The following AKAP13 variants were observed in gnomAD, a reference collection of about 807,000 sequenced individuals.
The protein encoded by AKAP13 is A-kinase anchoring protein 13, also known as A-kinase anchor protein 13.
In AKAP13, 80 loss-of-function variants were observed where a neutral mutation model predicts 264.5. The ratio of observed to expected loss-of-function variants is 0.30; its 90% CI spans 0.25 to 0.36. The LOEUF (loss-of-function observed/expected upper bound fraction) is 0.36, where lower values mean the gene tolerates loss of function less well. AKAP13 is among the 10% of genes least tolerant of loss of function. AKAP13 has a pLI of 1.00. For missense variants in AKAP13, 3,712 were observed against 3,435.2 expected (o/e 1.08, Z -2.01); for synonymous variants, 1,380 against 1,250.2 (o/e 1.10, Z -2.19).
intron 1 of AKAP13, among the ~76,000 whole-genome samples, chr15:85,440,296 G>T (rs958504676): frequency 2.0e-4 from 30 of 152,108 alleles, no homozygotes; most frequent in African/African-American, 6.3e-4. Flanking sequence ...CAACTTTATA[G>T]CTCTGTTTCT....
At position 85,531,329 on chromosome 15, in the gene AKAP13, A is replaced by G. The variant is rs16941028; in HGVS notation, c.182-2255A>G. On this transcript the variant is annotated intron_variant, in intron 3 of 36. Transcript: ENST00000394518. ...TTTGACTTCATTGCAGTTATCTGCA[A>G]CTTGATTCTCTGTTATGAACCGTAA... Among the ~76,000 whole-genome samples the G allele has an allele frequency of 1.9e-4, 29 of 152,332 alleles. No homozygotes were observed. The East Asian group carries it at 4.8e-3, about 25-fold the overall frequency.
chr15:85,448,915 A>AT (rs1052570974), intron 1 of AKAP13, among the ~76,000 whole-genome samples: 9 of 149,936 alleles, frequency 6.0e-5, no homozygotes, highest in Non-Finnish European at 1.0e-4. Flanking sequence ...AATTAAAAAA[A>AT]TTTTTTTTTC....
intron 26 of AKAP13, 100 bp from the exon 27 acceptor site, chr15:85,726,310 A>G: frequency 2.3e-6 from 2 of 855,212 alleles, no homozygotes; most frequent in South Asian, 3.2e-5. Context: ...ATAGGGGTGT[A>G]TGTGTTGCTG....
intron 4 of AKAP13, chr15:85,535,545 T>C (rs2077361841): frequency 6.6e-6 from 1 of 152,216 alleles, no homozygotes. Context: ...AACCTGGTGA[T>C]GGGCCTTAAT....
intron 2 of AKAP13, among the ~76,000 whole-genome samples, chr15:85,505,608 CT>C (rs2076195976): frequency 6.6e-6 from 1 of 151,868 alleles, no homozygotes; most frequent in Non-Finnish European, 1.5e-5. Flanking sequence ...CAACCTAAGT[CT>C]TTATCTGGAA....
At chr15:85,628,864 T>C (rs2081558216) in intron 8 of AKAP13, among the ~76,000 whole-genome samples, 1 of 152,130 alleles carries the variant, frequency 6.6e-6, no homozygotes, top group African/African-American at 2.4e-5. Context: ...TACTAAAAAA[T>C]TGTAAACAAT....
intron 1 of AKAP13, among the ~76,000 whole-genome samples, chr15:85,442,920 A>G (rs1048066249): frequency 1.3e-5 from 2 of 152,302 alleles, no homozygotes; most frequent in East Asian, 1.9e-4. Flanking sequence ...TCTGTGAAGC[A>G]TTAAAATTAC....
At chr15:85,676,320 G>A (rs1227036294) in intron 14 of AKAP13, among the ~76,000 whole-genome samples, 1 of 152,216 alleles carries the variant, frequency 6.6e-6, no homozygotes, top group Non-Finnish European at 1.5e-5. Flanking sequence ...AAGACAAAGT[G>A]AAGAAGCCTG....
At chr15:85,618,837 C>T (rs534458176) in intron 8 of AKAP13, among the ~76,000 whole-genome samples, 1 of 152,288 alleles carries the variant, frequency 6.6e-6, no homozygotes, top group South Asian at 2.1e-4. Context: ...TCCCTTCTCC[C>T]TCCCCAAAAA....
At chr15:85,610,301 T>C (rs2151388387) in intron 8 of AKAP13, among the ~76,000 whole-genome samples, 1 of 152,352 alleles carries the variant, frequency 6.6e-6, no homozygotes, top group East Asian at 1.9e-4. Context: ...TTGTTGCCTC[T>C]TCCCTTCTTT....
At chr15:85,544,169 C>G (rs1160432827) in intron 5 of AKAP13, 1 of 689,626 alleles carries the variant, frequency 1.5e-6, no homozygotes, top group Non-Finnish European at 2.6e-6. Flanking sequence ...CATTTTCTCT[C>G]TCGTCTGCCT....
chr15:85,397,411 G>C (rs2071171114), intron 1 of AKAP13, among the ~76,000 whole-genome samples: 1 of 152,180 alleles, frequency 6.6e-6, no homozygotes, highest in South Asian at 2.1e-4. Flanking sequence ...CATAAATGGA[G>C]AGTTTTCTTT....
intron 1 of AKAP13, among the ~76,000 whole-genome samples, chr15:85,442,381 G>C (rs1437682108): frequency 5.1e-5 from 7 of 137,482 alleles, no homozygotes; most frequent in Non-Finnish European, 9.2e-5. Flanking sequence ...CTGCACTCCA[G>C]CCTGGGTGAT....
chr15:85,406,329 T>C (rs2071659943), intron 1 of AKAP13, among the ~76,000 whole-genome samples: 1 of 152,084 alleles, frequency 6.6e-6, no homozygotes, highest in Admixed American at 6.5e-5. Flanking sequence ...CATTGTATGG[T>C]TTTATGATTG....
intron 5 of AKAP13, among the ~76,000 whole-genome samples, chr15:85,545,513 G>T (rs548465129): frequency 8.5e-5 from 13 of 152,222 alleles, no homozygotes; most frequent in South Asian, 2.1e-4. Flanking sequence ...TGTTACATGT[G>T]GGAAAGCCAC....
chr15:85,463,023 C>CA (rs35565608), intron 1 of AKAP13, among the ~76,000 whole-genome samples: 15,030 of 64,808 alleles, frequency 0.23, 2,347 homozygotes, highest in Non-Finnish European at 0.31. Context: ...GACTCCGTCT[C>CA]AAAAAAAAAA....
chr15:85,493,769 C>T (rs1334484548), intron 2 of AKAP13, among the ~76,000 whole-genome samples: 4 of 152,220 alleles, frequency 2.6e-5, no homozygotes, highest in African/African-American at 9.6e-5. Flanking sequence ...TGTCAAGATA[C>T]AAAGCATAGT....
At chr15:85,415,227 A>G (rs910473752) in intron 1 of AKAP13, 5 of 1,550,854 alleles carry the variant, frequency 3.2e-6, no homozygotes, top group African/African-American at 2.7e-5. Flanking sequence ...CGCACCCCTC[A>G]TGGCCACAGT....
intron 8 of AKAP13, chr15:85,635,007 T>C (rs953292180): frequency 2.5e-6 from 1 of 397,730 alleles, no homozygotes; most frequent in Non-Finnish European, 4.4e-6. Flanking sequence ...AGTTTGGAGC[T>C]CTCATGAATT....
Sources: gnomAD v4.1 joint callset for allele counts (sites outside exome capture counted in the v4.1 genomes callset) on GRCh38, gnomAD v4.1.1 for gene constraint, MANE v1.5 for transcripts, NCBI Gene and HGNC (gene_info 2026-07-23, HGNC 2026-07-21) for gene names.